The following BDP1 variants were observed in gnomAD, a reference collection of about 807,000 sequenced individuals.
BDP1 encodes BDP1 general transcription factor IIIB subunit.
In BDP1, 169 loss-of-function variants were observed where a neutral mutation model predicts 266.6. That is an observed-to-expected ratio of 0.63 (90% CI 0.56 to 0.72). BDP1 has a LOEUF of 0.72. Among genes scored for constraint, BDP1 ranks in the 30% least tolerant of loss-of-function variants. BDP1 has a pLI of 0.00. For synonymous variants in BDP1, 1,090 were observed against 1,022.4 expected (o/e 1.07, Z -1.26); for missense variants, 3,015 against 3,053.8 (o/e 0.99, Z 0.30).
At chr5:71,489,007 C>G (rs1763430549) in intron 9 of BDP1, among the ~76,000 whole-genome samples, 1 of 152,174 alleles carries the variant, frequency 6.6e-6, no homozygotes, top group African/African-American at 2.4e-5. Flanking sequence ...CATGCCCAGC[C>G]TGTATTAAAT....
chr5:71,497,635 C>T (rs1202588141), intron 13 of BDP1, among the ~76,000 whole-genome samples: 1 of 152,158 alleles, frequency 6.6e-6, no homozygotes, highest in African/African-American at 2.4e-5. Flanking sequence ...TTTCAGATAT[C>T]CTCAGTGGTG....
At chr5:71,498,823 A>T (rs1219742997) in intron 13 of BDP1, among the ~76,000 whole-genome samples, 1 of 151,184 alleles carries the variant, frequency 6.6e-6, no homozygotes, top group Non-Finnish European at 1.5e-5. Context: ...TCCCAGGTTC[A>T]AGCTATTCTT....
At chr5:71,568,239 G>A (rs978223766), downstream of BDP1, among the ~76,000 whole-genome samples, 1 of 152,164 alleles carries the variant, frequency 6.6e-6, no homozygotes, top group African/African-American at 2.4e-5. Context: ...ATTTGGAAGA[G>A]ACTCCACACA....
downstream of BDP1, among the ~76,000 whole-genome samples, chr5:71,570,707 A>G (rs912059454): frequency 2.0e-5 from 3 of 152,360 alleles, 1 homozygote; most frequent in South Asian, 4.1e-4. Context: ...AGTATTCCCA[A>G]TGAGGTCAAG....
At chr5:71,506,865 G>A (rs1764618126) in intron 16 of BDP1, among the ~76,000 whole-genome samples, 1 of 149,846 alleles carries the variant, frequency 6.7e-6, no homozygotes, top group Non-Finnish European at 1.5e-5. Flanking sequence ...CTGTCACCCA[G>A]GCTGGAGTGC....
At chr5:71,549,724 T>C (rs1742612171) in intron 34 of BDP1, 118 bp downstream of exon 34, 4 of 785,938 alleles carry the variant, frequency 5.1e-6, no homozygotes, top group Non-Finnish European at 7.4e-6. Context: ...ATCTTATTTA[T>C]CATTTATGTG....
At position 71,560,080 on chromosome 5, in the gene BDP1, A is replaced by G. The variant is rs564701112; in HGVS notation, c.7339A>G (p.Arg2447Gly). 4 of 1,614,092 alleles carry G rather than the reference A, an allele frequency of 2.5e-6. No homozygotes were observed. The African/African-American group carries it at 4.0e-5, about 16-fold the overall frequency. ...RQQVEAAFQS[R>G]GSRSPDACMD... ...GCAAGTTGAAGCAGCTTTTCAGAGT[A>G]GAGGATCTAGATCTCCTGATGCATG... Residue 2447 changes from arginine to glycine, a missense_variant, in exon 37 of 39, where the codon AGA (arginine) becomes GGA (glycine). Arg to Gly is a moderately radical substitution (Grantham distance 125). Around this residue, in one of 3 missense-constraint regions of BDP1, gnomAD observed 629 missense variants for 632.5 expected, o/e 0.99. Coordinates refer to ENST00000358731, the MANE Select transcript of BDP1 (RefSeq NM_018429.3).
intron 33 of BDP1, among the ~76,000 whole-genome samples, 153 bp downstream of exon 33, chr5:71,548,898 G>A (rs1270256520): frequency 1.3e-5 from 2 of 152,152 alleles, no homozygotes; most frequent in African/African-American, 4.8e-5. Flanking sequence ...AGTATTTTGT[G>A]TATCAGTTTT....
In BDP1 at chr5:71,510,353, A is replaced by G; in HGVS notation, c.3261A>G (p.Ile1087Met). 6.2e-7 allele frequency: 1 copy of G among 1,614,016 alleles called. No individual in the cohort carries two copies. The highest frequency in any genetic ancestry group is 1.1e-5 in the South Asian group (1 of 91,064). ...TPEVIDAIEEIEIDLEETERE... is the reference protein window; with the variant it reads ...TPEVIDAIEEMEIDLEETERE... ...AGGTGATTGATGCCATTGAGGAAAT[A>G]GAGATAGATTTGGAAGAAACTGAAA... Residue 1087 changes from isoleucine to methionine, a missense_variant, in exon 17 of 39, where the codon ATA (isoleucine) becomes ATG (methionine). Physicochemically the swap from Ile to Met is conservative, Grantham distance 10. Around this residue, in one of 3 missense-constraint regions of BDP1, gnomAD observed 2,383 missense variants for 2,404.9 expected, o/e 0.99. Transcript: ENST00000358731.
intron 30 of BDP1, among the ~76,000 whole-genome samples, chr5:71,542,634 G>A (rs185074569): frequency 6.6e-6 from 1 of 151,954 alleles, no homozygotes; most frequent in African/African-American, 2.4e-5. Context: ...CACTTTGGGA[G>A]GCTTGAGCCC....
chr5:71,461,912 T>G lies in BDP1; in HGVS notation c.585T>G (p.Asp195Glu). 1 of 1,490,754 alleles carries G rather than the reference T, an allele frequency of 6.7e-7. No homozygotes were observed. Among genetic ancestry groups the G allele is most frequent in the Non-Finnish European group, 9.3e-7 (1 of 1,077,694 alleles). 92.3% of individuals were successfully genotyped at this position (1,490,754 alleles called of 1,614,324 possible). A position where few individuals can be genotyped will look rare whatever the true frequency, so the allele number is the denominator to read the frequency against. Residue 195 changes from aspartate to glutamate, a missense_variant, in exon 3 of 39, where the codon GAT becomes GAG. Coordinates refer to ENST00000358731, the MANE Select transcript of BDP1 (RefSeq NM_018429.3). ...GAGACTTCATATATTATCTACCAGATAATAATCCAATGACGTAAGTAAAAT... is the reference window on the plus strand; with the variant it reads ...GAGACTTCATATATTATCTACCAGAGAATAATCCAATGACGTAAGTAAAAT... ...TMRDFIYYLP[D>E]NNPMTSSLEQ...
chr5:71,479,988 A>G (rs1194909227), intron 7 of BDP1, among the ~76,000 whole-genome samples: 1 of 151,798 alleles, frequency 6.6e-6, no homozygotes, highest in East Asian at 1.9e-4. Context: ...TATGTCACCC[A>G]GTCTAGAGTA....
chr5:71,467,693 A>G (rs1761990206), intron 6 of BDP1, among the ~76,000 whole-genome samples: 1 of 152,182 alleles, frequency 6.6e-6, no homozygotes, highest in Non-Finnish European at 1.5e-5. Flanking sequence ...TTTATTTTTT[A>G]TAGCAACTGG....
chr5:71,455,956 C>T lies in BDP1; in HGVS notation c.79C>T (p.Pro27Ser), dbSNP rs1258703930. 1 of 1,613,004 alleles carries T rather than the reference C, an allele frequency of 6.2e-7. No homozygotes were observed. Among genetic ancestry groups the T allele is most frequent in the Non-Finnish European group, 8.5e-7 (1 of 1,179,734 alleles). ...VGARGSTASN[P>S]QRGRESPRPP... Reference sequence around the variant, plus strand: ...CGCCAGGGGCTCCACAGCTTCCAATCCCCAGCGTGGACGGGAGTCTCCCAG... The same window carrying T: ...CGCCAGGGGCTCCACAGCTTCCAATTCCCAGCGTGGACGGGAGTCTCCCAG... Residue 27 changes from proline (P) to serine (S), a missense_variant, in exon 1 of 39, where the codon CCC becomes TCC. Physicochemically the swap from Pro to Ser is moderately conservative, Grantham distance 74. Transcript: ENST00000358731.
chr5:71,541,513 C>G lies in BDP1; in HGVS notation c.6082C>G (p.Leu2028Val), dbSNP rs756842067. ...SKDKSHIPSS[L>V]DNVNHKIVHE... is the part of the protein sequence containing the mutation. ...GGATAAAAGCCATATTCCTTCTAGC[C>G]TAGATAATGTAAATCACAAAATTGT... The change falls in exon 29 of 39, where the codon CTA (leucine) becomes GTA (valine). Residue 2028 changes from leucine to valine, a missense_variant. Leu to Val is a conservative substitution (Grantham distance 32). This residue lies in a region of BDP1 where 2,383 missense variants were observed against 2,404.9 expected (regional missense o/e 0.99). Transcript: ENST00000358731. The G allele has an allele frequency of 6.2e-7, 1 of 1,609,308 alleles. No homozygotes were observed.
chr5:71,548,569 A>G (rs1304437387), intron 32 of BDP1, 113 bp from the exon 33 acceptor site: 2 of 695,798 alleles, frequency 2.9e-6, no homozygotes, highest in Admixed American at 2.3e-5. Flanking sequence ...TGAAAACTGT[A>G]TATGGTTAGA....
In BDP1 at chr5:71,515,047, C is replaced by T. The variant is rs1247600025; in HGVS notation, c.4574C>T (p.Pro1525Leu). 1.2e-6 allele frequency: 2 copies of T among 1,612,664 alleles called. No homozygotes were observed. ...ACACAGACTGAAAGGAACCTTTCAC[C>T]TTCAAATTCTTGTGAACCTAAAGAG... The part of the protein sequence containing the change: ...PCTQTERNLS[P>L]SNSCEPKEES... Residue 1525 changes from proline to leucine, a missense_variant, in exon 20 of 39, where the codon CCT (proline) becomes CTT (leucine). Around this residue, in one of 3 missense-constraint regions of BDP1, gnomAD observed 2,383 missense variants for 2,404.9 expected, o/e 0.99. Transcript: ENST00000358731.
At chr5:71,571,925 T>G (rs187195566), downstream of BDP1, among the ~76,000 whole-genome samples, 252 of 152,266 alleles carry the variant, frequency 1.7e-3, no homozygotes, top group African/African-American at 5.8e-3. Context: ...CCAAAGGGAT[T>G]GTGACCAACT....
At chr5:71,505,735 C>T (rs973269085) in intron 16 of BDP1, among the ~76,000 whole-genome samples, 4 of 152,178 alleles carry the variant, frequency 2.6e-5, no homozygotes, top group Admixed American at 2.0e-4. Context: ...CATGGTGGCT[C>T]ATGCCTATCT....
Sources: gnomAD v4.1 joint callset for allele counts (sites outside exome capture counted in the v4.1 genomes callset) on GRCh38, gnomAD v4.1.1 for gene constraint, gnomAD v4.1.1 regional missense constraint, MANE v1.5 for transcripts, NCBI Gene and HGNC (gene_info 2026-07-23, HGNC 2026-07-21) for gene names.